The following SLC22A9 variants were observed in gnomAD, a reference collection of about 807,000 sequenced individuals.
SLC22A9 encodes the protein organic anion transporter 7.
In SLC22A9, 64 loss-of-function variants were observed where a neutral mutation model predicts 50.1. The ratio of observed to expected loss-of-function variants is 1.28; its 90% CI spans 1.04 to 1.57. The LOEUF (loss-of-function observed/expected upper bound fraction) is 1.57, where lower values mean the gene tolerates loss of function less well. SLC22A9 is among the 40% of genes most tolerant of loss of function. SLC22A9 has a pLI of 0.00. For missense variants in SLC22A9, 757 were observed against 676.1 expected (o/e 1.12, Z -1.33); for synonymous variants, 261 against 242.5 (o/e 1.08, Z -0.71).
At chr11:63,391,655 A>C (rs1591022065) in intron 6 of SLC22A9, among the ~76,000 whole-genome samples, 1 of 152,010 alleles carries the variant, frequency 6.6e-6, no homozygotes, top group East Asian at 1.9e-4. Flanking sequence ...CCTTTGGCAT[A>C]GAATATCATT....
intron 6 of SLC22A9, among the ~76,000 whole-genome samples, chr11:63,399,221 A>G (rs112853005): frequency 1.3e-5 from 2 of 152,322 alleles, no homozygotes; most frequent in African/African-American, 4.8e-5. Context: ...CATTGAATGT[A>G]CATGGACTAA....
Position 63,408,884 on chromosome 11 carries a change from G to A in SLC22A9, c.1601+5G>A, listed in dbSNP as rs375133249. ...CATCCAGGATGAGAAAAATGAGTGAGTAAATAGCCCGGTTGCCCCTCAGAG... is the reference window on the plus strand; with the variant it reads ...CATCCAGGATGAGAAAAATGAGTGAATAAATAGCCCGGTTGCCCCTCAGAG... On this transcript the variant is annotated splice_donor_5th_base_variant and intron_variant, in intron 9 of 9. Transcript: ENST00000279178. 41 of 1,613,664 alleles carry A rather than the reference G, an allele frequency of 2.5e-5. No homozygotes were observed. Among genetic ancestry groups the A allele is most frequent in the African/African-American group, 4.0e-5 (3 of 74,894 alleles).
At chr11:63,389,531 A>G (rs1591020993) in intron 6 of SLC22A9, among the ~76,000 whole-genome samples, 1 of 152,150 alleles carries the variant, frequency 6.6e-6, no homozygotes, top group African/African-American at 2.4e-5. Flanking sequence ...TTATGGCTGC[A>G]TGGTATTCCA....
At chr11:63,380,021 C>T (rs1436894365) in intron 5 of SLC22A9, among the ~76,000 whole-genome samples, 2 of 151,836 alleles carry the variant, frequency 1.3e-5, no homozygotes, top group African/African-American at 2.4e-5. Context: ...CGTAAGCCAT[C>T]GTGCCCGGCC....
intron 6 of SLC22A9, among the ~76,000 whole-genome samples, chr11:63,382,944 G>C (rs1004249417): frequency 2.0e-5 from 3 of 152,174 alleles, no homozygotes; most frequent in Admixed American, 1.3e-4. Context: ...AGTGCCAAGA[G>C]AGAACACCCT....
chr11:63,375,623 C>T, intron 4 of SLC22A9, 22 bp from the exon 5 acceptor site: 1 of 1,608,454 alleles, frequency 6.2e-7, no homozygotes, highest in Non-Finnish European at 8.5e-7. Context: ...TCGACTGCCC[C>T]TCTGTTCTCT....
chr11:63,402,159 T>C (rs555537190), intron 6 of SLC22A9, among the ~76,000 whole-genome samples: 51 of 152,266 alleles, frequency 3.3e-4, no homozygotes, highest in African/African-American at 1.2e-3. Flanking sequence ...CAATTGCTTT[T>C]TGGAGTCTTT....
intron 5 of SLC22A9, among the ~76,000 whole-genome samples, chr11:63,380,583 A>G (rs963185690): frequency 1.3e-5 from 2 of 152,208 alleles, no homozygotes; most frequent in African/African-American, 4.8e-5. Context: ...ATGCAGGAAA[A>G]GAAAACTAAA....
At chr11:63,405,378 G>A (rs544837525) in intron 6 of SLC22A9, among the ~76,000 whole-genome samples, 21 of 152,156 alleles carry the variant, frequency 1.4e-4, no homozygotes, top group Non-Finnish European at 2.9e-5. Context: ...CTGCTGTGCT[G>A]TGAGAAAGTT....
chr11:63,393,005 T>C (rs2014790810), intron 6 of SLC22A9, among the ~76,000 whole-genome samples: 1 of 152,166 alleles, frequency 6.6e-6, no homozygotes, highest in Admixed American at 6.6e-5. Context: ...ATAGAATTGT[T>C]TTTTCTAATT....
chr11:63,393,267 T>C (rs1244443939), intron 6 of SLC22A9, among the ~76,000 whole-genome samples: 1 of 152,114 alleles, frequency 6.6e-6, no homozygotes, highest in East Asian at 1.9e-4. Flanking sequence ...AAGGGTTGGG[T>C]TCTTGATTTG....
chr11:63,370,958 A>C (rs1291255538), intron 1 of SLC22A9, among the ~76,000 whole-genome samples, 177 bp from the exon 2 acceptor site: 1 of 152,222 alleles, frequency 6.6e-6, no homozygotes, highest in Non-Finnish European at 1.5e-5. Flanking sequence ...GTCTTCCAAG[A>C]GAAAGTTATG....
rs375509767 is a variant in SLC22A9 at position 63,373,942 on chromosome 11, G to C, written c.710G>C (p.Gly237Ala). 1.4e-5 allele frequency: 23 copies of C among 1,613,530 alleles called. No individual in the cohort carries two copies. The highest frequency in any genetic ancestry group is 2.7e-5 in the African/African-American group (2 of 74,900). Residue 237 changes from glycine to alanine, a missense_variant, in exon 4 of 10, where the codon GGA becomes GCA. By Grantham distance (60) the Gly-to-Ala change is moderately conservative. Coordinates refer to ENST00000279178, the MANE Select transcript of SLC22A9 (RefSeq NM_080866.3). ...TTCCAGGCCATGGGAATTACATTGGGAATGTGCCCTTCTGGTATTGCATTT... is the reference window on the plus strand; with the variant it reads ...TTCCAGGCCATGGGAATTACATTGGCAATGTGCCCTTCTGGTATTGCATTT... ...HRFQAMGITL[G>A]MCPSGIAFMT...
At chr11:63,383,829 T>A (rs1458772881) in intron 6 of SLC22A9, among the ~76,000 whole-genome samples, 1 of 152,108 alleles carries the variant, frequency 6.6e-6, no homozygotes, top group Non-Finnish European at 1.5e-5. Flanking sequence ...GGCAGGTAGA[T>A]CACGAGGTCA....
chr11:63,383,547 A>T (rs1489589548), intron 6 of SLC22A9, among the ~76,000 whole-genome samples: 1 of 152,174 alleles, frequency 6.6e-6, no homozygotes, highest in Non-Finnish European at 1.5e-5. Context: ...TCCCTATAAA[A>T]GCTAGTCTGG....
chr11:63,379,636 A>T, intron 5 of SLC22A9, among the ~76,000 whole-genome samples: 1 of 152,232 alleles, frequency 6.6e-6, no homozygotes, highest in East Asian at 1.9e-4. Flanking sequence ...ACAAAGGCCT[A>T]ATATTCACAA....
At chr11:63,406,400 T>A in intron 6 of SLC22A9, 97 bp from the exon 7 acceptor site, 1 of 1,095,662 alleles carries the variant, frequency 9.1e-7, no homozygotes, top group Non-Finnish European at 1.3e-6. Flanking sequence ...CCTTTATACT[T>A]TAACAATCCC....
intron 6 of SLC22A9, among the ~76,000 whole-genome samples, chr11:63,401,057 G>GA (rs1203261086): frequency 2.6e-5 from 4 of 151,934 alleles, no homozygotes; most frequent in East Asian, 1.9e-4. Context: ...AGAGAATGGG[G>GA]AAAAAAATGA....
chr11:63,383,315 T>C (rs502642), intron 6 of SLC22A9, among the ~76,000 whole-genome samples: 84,414 of 151,896 alleles, frequency 0.56, 23,570 homozygotes, highest in Non-Finnish European at 0.58. Context: ...ATCTTAAGAA[T>C]AAAACATGAT....
Sources: allele counts gnomAD v4.1 joint callset (sites outside exome capture counted in the v4.1 genomes callset), GRCh38; gene constraint gnomAD v4.1.1; transcripts MANE v1.5; gene names NCBI Gene and HGNC (gene_info 2026-07-23, HGNC 2026-07-21).